The following ADAMTS3 variants were observed in gnomAD, a reference collection of about 807,000 sequenced individuals.
ADAMTS3 encodes the protein A disintegrin and metalloproteinase with thrombospondin motifs 3.
Under a neutral mutation model 129.0 loss-of-function variants are expected in ADAMTS3, and 73 were observed. The observed-to-expected ratio is 0.57, with a 90% CI of 0.47 to 0.69. The LOEUF (loss-of-function observed/expected upper bound fraction) is 0.69. Among genes scored for constraint, ADAMTS3 ranks in the 30% least tolerant of loss-of-function variants. The probability of loss-of-function intolerance (pLI) is 0.00; values close to 1 mark genes in which losing one functional copy is unlikely to be tolerated. For synonymous variants in ADAMTS3, 477 were observed against 510.8 expected, an observed-to-expected ratio of 0.93 and a Z score of 0.89; for missense variants, 1,457 against 1,514.5, an observed-to-expected ratio of 0.96 and a Z score of 0.63.
At chr4:72,535,358 T>C (rs994457106) in intron 3 of ADAMTS3, among the ~76,000 whole-genome samples, 2 of 152,208 alleles carry the variant, frequency 1.3e-5, no homozygotes, top group African/African-American at 4.8e-5. Context: ...ACTACTGTTC[T>C]TCATTTTCTC....
chr4:72,310,172 C>G (rs1263528741), intron 14 of ADAMTS3, among the ~76,000 whole-genome samples: 1 of 151,936 alleles, frequency 6.6e-6, no homozygotes, highest in Non-Finnish European at 1.5e-5. Context: ...ACTTGAATAC[C>G]AGGAAGAATT....
chr4:72,295,495 C>T (rs1308438158), intron 19 of ADAMTS3, among the ~76,000 whole-genome samples, 159 bp downstream of exon 19: 1 of 152,002 alleles, frequency 6.6e-6, no homozygotes, highest in Non-Finnish European at 1.5e-5. Context: ...GTGAAAGGCA[C>T]AGAACTGCAG....
intron 3 of ADAMTS3, among the ~76,000 whole-genome samples, chr4:72,445,326 G>T (rs73825406): frequency 0.034 from 5,169 of 151,702 alleles, 301 homozygotes; most frequent in African/African-American, 0.12. Flanking sequence ...AGAGGATACA[G>T]AGAAAGGCAA....
chr4:72,374,757 A>G (rs1370023402), intron 4 of ADAMTS3, among the ~76,000 whole-genome samples: 1 of 152,306 alleles, frequency 6.6e-6, no homozygotes, highest in South Asian at 2.1e-4. Context: ...ATTTATTTTT[A>G]AATGTGGAAC....
At chr4:72,447,208 A>G (rs1718278575) in intron 3 of ADAMTS3, among the ~76,000 whole-genome samples, 1 of 151,700 alleles carries the variant, frequency 6.6e-6, no homozygotes, top group African/African-American at 2.4e-5. Flanking sequence ...AAATACCAAT[A>G]TCTGAAAATC....
rs1215825764 is a variant in ADAMTS3 at position 72,339,587 on chromosome 4, G to A, written c.768C>T (p.Tyr256=). Residue 256 remains tyrosine (Y), a synonymous_variant, in exon 5 of 22, where the codon TAC becomes TAT. Coordinates refer to ENST00000286657, the MANE Select transcript of ADAMTS3 (RefSeq NM_014243.3). ...CCACTCCCAGCAGTACCTCGATATTGTAATCGTTTTCTCCCGCGTGTCTGC... is the reference window on the plus strand; with the variant it reads ...CCACTCCCAGCAGTACCTCGATATTATAATCGTTTTCTCCCGCGTGTCTGC... ...RRRRHAGEND[Y]NIEVLLGVDD... The A allele has an allele frequency of 6.2e-7, 1 of 1,613,934 alleles. No homozygotes were observed. The highest frequency in any genetic ancestry group is 2.2e-5 in the East Asian group (1 of 44,858).
chr4:72,411,096 C>A lies in ADAMTS3; in HGVS notation c.661+3719G>T, dbSNP rs116614534. Among the ~76,000 whole-genome samples, 1,084 of 152,136 alleles carry A rather than the reference C, an allele frequency of 7.1e-3. 18 individuals carry two copies. Among genetic ancestry groups the A allele is most frequent in the African/African-American group, 0.025 (1,026 of 41,498 alleles). On this transcript the variant is annotated intron_variant, in intron 4 of 21. Coordinates refer to ENST00000286657, the MANE Select transcript of ADAMTS3 (RefSeq NM_014243.3). ...GCACTGCATTTTTGACTTAAAAAAACATATTTTTAAACAACTCTTCATATG... is the reference window on the plus strand; with the variant it reads ...GCACTGCATTTTTGACTTAAAAAAAAATATTTTTAAACAACTCTTCATATG...
intron 3 of ADAMTS3, among the ~76,000 whole-genome samples, chr4:72,532,339 T>C (rs1721065746): frequency 6.6e-6 from 1 of 152,132 alleles, no homozygotes; most frequent in South Asian, 2.1e-4. Flanking sequence ...TTCAGCCCTA[T>C]TGCATATTCC....
chr4:72,412,067 T>C (rs561355784), intron 4 of ADAMTS3, among the ~76,000 whole-genome samples: 3 of 152,118 alleles, frequency 2.0e-5, no homozygotes, highest in Admixed American at 6.6e-5. Context: ...ACTAGCAAAA[T>C]AGGGCAGAAT....
intron 14 of ADAMTS3, among the ~76,000 whole-genome samples, chr4:72,310,015 G>A (rs1578570219): frequency 6.6e-6 from 1 of 152,048 alleles, no homozygotes; most frequent in African/African-American, 2.4e-5. Flanking sequence ...CAGGAAAGCA[G>A]ATGAGTTACA....
rs917677980 is a variant in ADAMTS3, at chr4:72,529,663, A to C, written c.504+18815T>G. On this transcript the variant is annotated intron_variant, in intron 3 of 21. Transcript: ENST00000286657. ...TATAATACATTATAATATATATATA[A>C]AATATTAAATATTATTTATATATTA... is the stretch of plus-strand genomic sequence containing the variant. Among the ~76,000 whole-genome samples the C allele has an allele frequency of 2.3e-3, 298 of 128,656 alleles. 3 individuals are homozygous for C. Among genetic ancestry groups the C allele is most frequent in the African/African-American group, 8.5e-3 (292 of 34,284 alleles). 84.4% of individuals were successfully genotyped at this position (128,656 alleles called of 152,430 possible).
intron 4 of ADAMTS3, among the ~76,000 whole-genome samples, chr4:72,350,224 CTG>C (rs1440564415): frequency 6.6e-6 from 1 of 152,022 alleles, no homozygotes; most frequent in East Asian, 1.9e-4. Context: ...GAGAGAAACA[CTG>C]TTACTACATT....
chr4:72,405,490 G>A (rs1248630314), intron 4 of ADAMTS3, among the ~76,000 whole-genome samples: 1 of 152,130 alleles, frequency 6.6e-6, no homozygotes, highest in African/African-American at 2.4e-5. Context: ...TGTTAAGAGA[G>A]AAAGAATTTT....
chr4:72,407,979 C>T (rs1296300512), intron 4 of ADAMTS3, among the ~76,000 whole-genome samples: 3 of 152,014 alleles, frequency 2.0e-5, no homozygotes, highest in Non-Finnish European at 4.4e-5. Flanking sequence ...AGAAATTCCA[C>T]TGAGAAGTTT....
At chr4:72,452,196 T>C (rs935918726) in intron 3 of ADAMTS3, among the ~76,000 whole-genome samples, 2 of 151,584 alleles carry the variant, frequency 1.3e-5, no homozygotes, top group African/African-American at 4.8e-5. Context: ...TAAAAGCTTA[T>C]GCTTTACTAG....
intron 3 of ADAMTS3, among the ~76,000 whole-genome samples, chr4:72,520,918 C>A (rs1720653524): frequency 6.6e-6 from 1 of 152,090 alleles, no homozygotes. Context: ...ATGCAGAAAT[C>A]ACCCGTCTTC....
intron 3 of ADAMTS3, among the ~76,000 whole-genome samples, chr4:72,505,577 A>G (rs1720140459): frequency 6.6e-6 from 1 of 152,228 alleles, no homozygotes; most frequent in South Asian, 2.1e-4. Context: ...GTAGAGGGGA[A>G]GGGCAAGATG....
At chr4:72,554,814 G>A (rs1426368240) in intron 2 of ADAMTS3, among the ~76,000 whole-genome samples, 1 of 151,718 alleles carries the variant, frequency 6.6e-6, no homozygotes, top group Admixed American at 6.6e-5. Flanking sequence ...CTAAATTGCT[G>A]TCAGGAAAAT....
intron 11 of ADAMTS3, 122 bp downstream of exon 11, chr4:72,315,736 C>A (rs1719377009): frequency 3.2e-6 from 2 of 620,676 alleles, no homozygotes; most frequent in East Asian, 2.9e-5. Flanking sequence ...TTTAATAAAG[C>A]CTTGCATACT....
Sources: gnomAD v4.1 joint callset for allele counts (sites outside exome capture counted in the v4.1 genomes callset) on GRCh38, gnomAD v4.1.1 for gene constraint, MANE v1.5 for transcripts, NCBI Gene and HGNC (gene_info 2026-07-23, HGNC 2026-07-21) for gene names.